Variants in PCDHGA1 observed in about 807,000 individuals in gnomAD.
The protein encoded by PCDHGA1 is protocadherin gamma subfamily A, 1, also known as protocadherin gamma-A1.
A neutral mutation model predicts 58.0 loss-of-function variants in PCDHGA1; 32 were observed. That is an observed-to-expected ratio of 0.55 (90% CI 0.42 to 0.74). PCDHGA1 has a LOEUF of 0.74. Among genes scored for constraint, PCDHGA1 ranks in the 30% least tolerant of loss-of-function variants. The probability of loss-of-function intolerance (pLI) is 0.00; values close to 1 mark genes in which losing one functional copy is unlikely to be tolerated. For missense variants in PCDHGA1, 1,205 were observed against 1,182.3 expected, an observed-to-expected ratio of 1.02 and a Z score of -0.28; for synonymous variants, 498 against 501.1, an observed-to-expected ratio of 0.99 and a Z score of 0.08.
chr5:141,404,177 A>C, intron 1 of PCDHGA1: 1 of 1,613,448 alleles, frequency 6.2e-7, no homozygotes, highest in Non-Finnish European at 8.5e-7. Context: ...GACGGCCCAA[A>C]TTCTTGACCG....
chr5:141,390,239 C>T (rs769717528), intron 1 of PCDHGA1: 1 of 1,614,022 alleles, frequency 6.2e-7, no homozygotes, highest in Admixed American at 1.7e-5. Flanking sequence ...CATCTGGGGC[C>T]TTATTTCCAC....
Position 141,486,443 on chromosome 5 carries a change from A to G in PCDHGA1, c.2422-8364A>G, listed in dbSNP as rs747419698. Reference sequence around the variant, plus strand: ...AGAGGCCAAATCTAGCTATGACATCATGGTCACTGCTTCTGATGCTGGGAA... The same window carrying G: ...AGAGGCCAAATCTAGCTATGACATCGTGGTCACTGCTTCTGATGCTGGGAA... On this transcript the variant is annotated intron_variant, in intron 1 of 3. Transcript: ENST00000517417. The surrounding 1 kb of genome is among the most constrained non-coding windows in gnomAD (Gnocchi z 5.0). The G allele has an allele frequency of 1.9e-6, 3 of 1,614,060 alleles. No individual in the cohort carries two copies. Among genetic ancestry groups the G allele is most frequent in the South Asian group, 2.2e-5 (2 of 91,080 alleles).
chr5:141,418,006 C>T, intron 1 of PCDHGA1: 7 of 1,613,896 alleles, frequency 4.3e-6, no homozygotes, highest in Non-Finnish European at 5.9e-6. Flanking sequence ...TGGTGGGGAA[C>T]CTCGCTAAGG....
chr5:141,421,538 T>A, intron 1 of PCDHGA1: 2 of 1,614,028 alleles, frequency 1.2e-6, no homozygotes, highest in Non-Finnish European at 1.7e-6. Context: ...TCCTCCTGTT[T>A]TTTAAATATG....
At chr5:141,412,729 T>C (rs1411212101) in intron 1 of PCDHGA1, 1 of 153,332 alleles carries the variant, frequency 6.5e-6, no homozygotes, top group Non-Finnish European at 1.5e-5. Flanking sequence ...GAAAACGTGT[T>C]GCAAATATAT....
rs1352437587 is a variant in PCDHGA1 at position 141,389,683 on chromosome 5, C to T, written c.2421+56578C>T. The stretch of plus-strand genomic sequence containing the variant: ...GTGGACGCAGACTCAGGACACAACG[C>T]CTGGCTGTCCTACCACGTGCTGCAG... On this transcript the variant is annotated intron_variant, in intron 1 of 3. Coordinates refer to ENST00000517417, the MANE Select transcript of PCDHGA1 (RefSeq NM_018912.3). 14 of 1,612,374 alleles carry T rather than the reference C, an allele frequency of 8.7e-6. No individual in the cohort carries two copies. In the Admixed American group the frequency reaches 2.3e-4, roughly 27 times the overall value.
At chr5:141,374,679 C>CAAGT (rs755200801) in intron 1 of PCDHGA1, 1 of 1,610,324 alleles carries the variant, frequency 6.2e-7, no homozygotes, top group Admixed American at 1.7e-5. Context: ...CTGGAGGGCA[C>CAAGT]ACTGGACCGG....
At chr5:141,454,666 A>G (rs1561955978) in intron 1 of PCDHGA1, among the ~76,000 whole-genome samples, 1 of 152,104 alleles carries the variant, frequency 6.6e-6, no homozygotes, top group Non-Finnish European at 1.5e-5. Context: ...TCGGCCTCCC[A>G]AAACACTGGG....
At chr5:141,390,024 CG>C (rs1561629846) in intron 1 of PCDHGA1, 1 of 1,614,044 alleles carries the variant, frequency 6.2e-7, no homozygotes, top group African/African-American at 1.3e-5. Context: ...CTTGCGCCTG[CG>C]ACGCTCCTCC....
intron 1 of PCDHGA1, chr5:141,413,731 G>A (rs1008251304): frequency 6.2e-7 from 1 of 1,613,454 alleles, no homozygotes; most frequent in South Asian, 1.1e-5. Context: ...CTCCCTAAGA[G>A]TTCAGAGCCG....
At chr5:141,403,227 G>A (rs2094378929) in intron 1 of PCDHGA1, 4 of 1,608,848 alleles carry the variant, frequency 2.5e-6, no homozygotes, top group African/African-American at 1.3e-5. Flanking sequence ...AGGATAGACC[G>A]GGAGGAGCTC....
chr5:141,494,386 T>G (rs2099753905), intron 1 of PCDHGA1, among the ~76,000 whole-genome samples: 1 of 152,198 alleles, frequency 6.6e-6, no homozygotes, highest in African/African-American at 2.4e-5. Context: ...GCTGAGGAGT[T>G]GAATAAATTC....
chr5:141,379,052 T>A (rs1247302234), intron 1 of PCDHGA1: 1 of 152,238 alleles, frequency 6.6e-6, no homozygotes. Flanking sequence ...TATTATAGAA[T>A]GGATTGGCCA....
In PCDHGA1 at chr5:141,427,684, C is replaced by T. The variant is rs765112627; in HGVS notation, c.2422-67123C>T. 3.6e-6 allele frequency: 3 copies of T among 841,720 alleles called. No individual in the cohort carries two copies. In the Admixed American group the frequency reaches 5.8e-5, roughly 16 times the overall value. 52.1% of individuals were successfully genotyped at this position (841,720 alleles called of 1,614,324 possible). A position where few individuals can be genotyped will look rare whatever the true frequency, so the allele number is the denominator to read the frequency against. On this transcript the variant is annotated intron_variant, in intron 1 of 3. Transcript: ENST00000517417. The stretch of plus-strand genomic sequence containing the variant: ...GTGGCCGAAAACAACCTTCCCGGAG[C>T]CTCCATCCCACAAGTCAGCGCCTCT...
At chr5:141,333,443 A>C (rs1756466367) in intron 1 of PCDHGA1, 1 of 410,830 alleles carries the variant, frequency 2.4e-6, no homozygotes, top group Admixed American at 4.9e-5. Flanking sequence ...AGGTTTGATT[A>C]GAAAAGGCTC....
intron 1 of PCDHGA1, chr5:141,339,273 C>T (rs774171883): frequency 2.5e-6 from 4 of 1,614,118 alleles, no homozygotes; most frequent in African/African-American, 2.7e-5. Context: ...CAGAGCGCAC[C>T]CTGTCTGTTG....
At chr5:141,376,199 G>T in intron 1 of PCDHGA1, 3 of 1,614,162 alleles carry the variant, frequency 1.9e-6, no homozygotes, top group Non-Finnish European at 2.5e-6. Flanking sequence ...CGTCTTCCTG[G>T]CCTTCGTCAT....
intron 1 of PCDHGA1, chr5:141,423,124 C>T (rs748586131): frequency 1.9e-6 from 3 of 1,613,778 alleles, no homozygotes; most frequent in Non-Finnish European, 1.7e-6. Context: ...AGCGCGGGCA[C>T]TGCTGGACAG....
intron 1 of PCDHGA1, chr5:141,371,519 T>C (rs1767815270): frequency 3.1e-6 from 5 of 1,613,838 alleles, no homozygotes; most frequent in Middle Eastern, 1.6e-4. Context: ...ATGATCTAGA[T>C]TCTGGATTTA....
Sources: gnomAD v4.1 joint callset for allele counts (sites outside exome capture counted in the v4.1 genomes callset) on GRCh38, gnomAD v4.1.1 for gene constraint, Gnocchi (gnomAD v3.1) non-coding constraint, MANE v1.5 for transcripts, NCBI Gene and HGNC (gene_info 2026-07-23, HGNC 2026-07-21) for gene names.